Variants in PRR33 observed in about 807,000 individuals in gnomAD.
PRR33 encodes the protein proline-rich protein 33.
In PRR33, 1 loss-of-function variant was observed where a neutral mutation model predicts 0.5. That is an observed-to-expected ratio of 2.18 (90% confidence interval 0.77 to 10.34). PRR33 has a LOEUF of 10.34. Among genes scored for constraint, PRR33 ranks in the 30% most tolerant of loss-of-function variants. The pLI, the probability that PRR33 is intolerant of heterozygous loss-of-function variation, is 0.13. For missense variants in PRR33, 552 were observed against 251.8 expected (o/e 2.19, Z -8.07); for synonymous variants, 226 against 110.0 (o/e 2.06, Z -6.60).
At chr11:1,909,729 G>A in the PRR33 span, among the ~76,000 whole-genome samples, 10 of 151,830 alleles carry the variant, frequency 6.6e-5, no homozygotes, top group South Asian at 2.1e-4. Flanking sequence ...GCAGTCAGCC[G>A]TGGTGGTGTC....
the PRR33 span, among the ~76,000 whole-genome samples, chr11:1,915,137 T>A: frequency 1.7e-3 from 133 of 76,688 alleles, no homozygotes; most frequent in African/African-American, 6.6e-3. Flanking sequence ...GGGATGATGT[T>A]TCTGTGTGTG....
the PRR33 span, among the ~76,000 whole-genome samples, chr11:1,909,838 A>G: frequency 2.4e-4 from 37 of 152,336 alleles, no homozygotes; most frequent in African/African-American, 8.4e-4. Context: ...ATCTGAGTTG[A>G]GGGCTCTGTG....
At chr11:1,903,018 A>C in the PRR33 span, 1 of 152,098 alleles carries the variant, frequency 6.6e-6, no homozygotes. Context: ...GTTTTGGTGC[A>C]TTTTAGCCGG....
At chr11:1,906,935 C>T in the PRR33 span, among the ~76,000 whole-genome samples, 21 of 152,352 alleles carry the variant, frequency 1.4e-4, no homozygotes, top group Admixed American at 1.4e-3. Flanking sequence ...CCAGCTCTGT[C>T]TCATCAGCTC....
At chr11:1,894,029 G>GTGATTGTA (rs2133154218), upstream of PRR33, among the ~76,000 whole-genome samples, 1 of 42 alleles carries the variant, frequency 0.024, no homozygotes, top group South Asian at 0.5. Flanking sequence ...GGATGGGTAG[G>GTGATTGTA]TGGGTGGGTG....
the PRR33 span, among the ~76,000 whole-genome samples, chr11:1,915,801 G>T: frequency 7.1e-6 from 1 of 140,904 alleles, no homozygotes; most frequent in Admixed American, 7.0e-5. Flanking sequence ...GGGAGGGAGG[G>T]AGGGATGGAT....
At chr11:1,905,405 G>A in the PRR33 span, among the ~76,000 whole-genome samples, 441 of 149,218 alleles carry the variant, frequency 3.0e-3, 3 homozygotes, top group African/African-American at 0.01. Flanking sequence ...GGGATTACAG[G>A]CGTGAGCCAC....
At chr11:1,897,779 C>A in the PRR33 span, among the ~76,000 whole-genome samples, 1 of 152,144 alleles carries the variant, frequency 6.6e-6, no homozygotes, top group Non-Finnish European at 1.5e-5. This position sits in a 1 kb window ranked among gnomAD's most constrained non-coding sequence, Gnocchi z 4.0. Context: ...GTTCTTGTTG[C>A]TCCAGTCAAA....
chr11:1,913,346 G>A, the PRR33 span, among the ~76,000 whole-genome samples: 9 of 148,292 alleles, frequency 6.1e-5, no homozygotes, highest in Admixed American at 4.1e-4. Context: ...GGGTTTCACC[G>A]TGTGTTAGCC....
the PRR33 span, among the ~76,000 whole-genome samples, chr11:1,913,074 CTCTCTATT>C: frequency 6.6e-6 from 1 of 152,012 alleles, no homozygotes; most frequent in Admixed American, 6.6e-5. Context: ...ATACTTTCCC[CTCTCTATT>C]TTTTTGTTCT....
the PRR33 span, among the ~76,000 whole-genome samples, chr11:1,910,697 G>T: frequency 1.3e-5 from 2 of 152,218 alleles, no homozygotes; most frequent in Admixed American, 1.3e-4. Flanking sequence ...TCCCATCAAT[G>T]GTTGCAAAAT....
At chr11:1,888,014 G>A (rs1209150643), downstream of PRR33, among the ~76,000 whole-genome samples, 1 of 152,168 alleles carries the variant, frequency 6.6e-6, no homozygotes, top group Non-Finnish European at 1.5e-5. Flanking sequence ...TGTCCCAGCC[G>A]AGAGCGATTC....
chr11:1,910,259 T>G, the PRR33 span, among the ~76,000 whole-genome samples: 3 of 151,878 alleles, frequency 2.0e-5, no homozygotes, highest in Non-Finnish European at 4.4e-5. Context: ...ATTGTGGTGT[T>G]TTTTTTTTGA....
chr11:1,890,054 G>A (rs757008747), exon 1 of PRR33: 18 of 707,942 alleles, frequency 2.5e-5, no homozygotes, highest in East Asian at 5.4e-5. Flanking sequence ...CCTGGGTGAC[G>A]TGGGTGCCCC....
chr11:1,889,402 A>T (rs1442851076), exon 1 of PRR33: 1 of 692,040 alleles, frequency 1.4e-6, no homozygotes, highest in East Asian at 2.7e-5. Context: ...GAGGTCCGGG[A>T]GGCGGGGGCC....
At chr11:1,894,991 C>T (rs1021402682), upstream of PRR33, among the ~76,000 whole-genome samples, 3 of 152,320 alleles carry the variant, frequency 2.0e-5, 1 homozygote, top group South Asian at 4.1e-4. Context: ...GCGTGTCTCC[C>T]GGCACCAGGG....
At chr11:1,910,545 G>T in the PRR33 span, among the ~76,000 whole-genome samples, 1 of 152,218 alleles carries the variant, frequency 6.6e-6, no homozygotes, top group African/African-American at 2.4e-5. Context: ...ACCGTGCCTG[G>T]CTGGGGTTCT....
chr11:1,897,319 T>G, the PRR33 span, among the ~76,000 whole-genome samples: 1 of 152,222 alleles, frequency 6.6e-6, no homozygotes, highest in African/African-American at 2.4e-5. This position sits in a 1 kb window ranked among gnomAD's most constrained non-coding sequence, Gnocchi z 4.0. Context: ...TAAATGTACT[T>G]GTTTGGTCCC....
At chr11:1,893,485 G>A (rs1175127014), upstream of PRR33, among the ~76,000 whole-genome samples, 1 of 149,202 alleles carries the variant, frequency 6.7e-6, no homozygotes, top group Admixed American at 6.7e-5. Flanking sequence ...GAATGGATAG[G>A]TGGATGGATG....
Sources: allele counts gnomAD v4.1 joint callset (sites outside exome capture counted in the v4.1 genomes callset), GRCh38; gene constraint gnomAD v4.1.1; non-coding constraint Gnocchi (gnomAD v3.1); transcripts MANE v1.5; gene names NCBI Gene and HGNC (gene_info 2026-07-23, HGNC 2026-07-21).